The following PPP1R37 variants were observed in gnomAD, a reference collection of about 807,000 sequenced individuals.
PPP1R37 encodes the protein leucine rich repeat containing 68.
A neutral mutation model predicts 61.0 loss-of-function variants in PPP1R37; 21 were observed. The observed-to-expected ratio is 0.34, with a 90% CI of 0.24 to 0.50. The LOEUF (loss-of-function observed/expected upper bound fraction) is 0.50, where lower values mean the gene tolerates loss of function less well. Ranked by LOEUF, PPP1R37 falls within the 20% of genes least tolerant of loss-of-function variation. The probability of loss-of-function intolerance (pLI) is 0.98; values close to 1 mark genes in which losing one functional copy is unlikely to be tolerated. For missense variants in PPP1R37, 910 were observed against 952.7 expected (o/e 0.96, Z 0.59); for synonymous variants, 443 against 433.5 (o/e 1.02, Z -0.27).
chr19:45,139,032 G>A (rs967322818), intron 2 of PPP1R37, among the ~76,000 whole-genome samples: 3 of 145,620 alleles, frequency 2.1e-5, no homozygotes, highest in African/African-American at 7.7e-5. Flanking sequence ...TCCTGCCTCA[G>A]CCTCCCAAGT....
chr19:45,118,586 G>A (rs1283656822), intron 1 of PPP1R37, among the ~76,000 whole-genome samples: 28 of 152,178 alleles, frequency 1.8e-4, no homozygotes, highest in Admixed American at 6.5e-5. Context: ...AGATAACTGC[G>A]TAGTAAATGA....
At chr19:45,103,354 C>T (rs116501086) in intron 1 of PPP1R37, among the ~76,000 whole-genome samples, 1 of 152,192 alleles carries the variant, frequency 6.6e-6, no homozygotes, top group African/African-American at 2.4e-5. Context: ...GCCCTGCAGT[C>T]GGATGCTCCC....
chr19:45,117,456 A>T (rs970217563), intron 1 of PPP1R37, among the ~76,000 whole-genome samples: 2 of 152,206 alleles, frequency 1.3e-5, no homozygotes, highest in Admixed American at 6.5e-5. Context: ...GTGCAGGGAC[A>T]GGTGGTGCCG....
At chr19:45,106,333 C>A (rs1439603015) in intron 1 of PPP1R37, among the ~76,000 whole-genome samples, 1 of 152,104 alleles carries the variant, frequency 6.6e-6, no homozygotes, top group Non-Finnish European at 1.5e-5. Context: ...CCTTTGCCTC[C>A]CAAGTTTAAG....
At chr19:45,138,777 AT>A (rs1968570154) in intron 2 of PPP1R37, among the ~76,000 whole-genome samples, 166 bp downstream of exon 2, 1 of 152,170 alleles carries the variant, frequency 6.6e-6, no homozygotes, top group Non-Finnish European at 1.5e-5. Context: ...TTCTTCATAA[AT>A]TTGAAGAGCA....
intron 1 of PPP1R37, among the ~76,000 whole-genome samples, chr19:45,110,466 C>G (rs1968186538): frequency 6.6e-6 from 1 of 152,062 alleles, no homozygotes; most frequent in South Asian, 2.1e-4. Flanking sequence ...ATGTTCTTTT[C>G]TCTTATGGGT....
At chr19:45,124,924 T>G (rs2048354974) in intron 1 of PPP1R37, among the ~76,000 whole-genome samples, 1 of 151,866 alleles carries the variant, frequency 6.6e-6, no homozygotes, top group South Asian at 2.1e-4. Context: ...TGAGCTATGA[T>G]TGAGCCGCTG....
Position 45,145,854 on chromosome 19 carries a change from G to T in PPP1R37, c.1798G>T (p.Ala600Ser), listed in dbSNP as rs756568951. 7.7e-4 allele frequency: 410 copies of T among 534,964 alleles called. 1 individual carries two copies. The highest frequency in any genetic ancestry group is 1.4e-3 in the Middle Eastern group (2 of 1,404). The allele number at this position is 534,964 out of a possible 1,614,324, so 33.1% of individuals were successfully genotyped here. The change falls in exon 11 of 13, where the codon GCC becomes TCC. Residue 600 changes from alanine to serine, a missense_variant. Around this residue, in one of 3 missense-constraint regions of PPP1R37, gnomAD observed 549 missense variants for 505.1 expected, o/e 1.09. Transcript: ENST00000221462. ...TCCCCCACCCCCTCCCTCCCCACCC[G>T]CCTCACCTTCCCTACCACCAGCCGG... ...PSPPPPPSPP[A>S]SPSLPPAGAI...
intron 5 of PPP1R37, among the ~76,000 whole-genome samples, chr19:45,141,764 A>AGGGAC (rs1181403326): frequency 6.6e-6 from 1 of 152,162 alleles, no homozygotes; most frequent in Non-Finnish European, 1.5e-5. Flanking sequence ...GGCTGGGTGG[A>AGGGAC]GGGACGGGAC....
chr19:45,121,475 C>T lies in PPP1R37; in HGVS notation c.203-17039C>T, dbSNP rs937998187. 1.3e-5 allele frequency among the ~76,000 whole-genome samples: 2 copies of T among 152,194 alleles called. No individual in the cohort carries two copies. The highest frequency in any genetic ancestry group is 2.9e-5 in the Non-Finnish European group (2 of 68,022). On this transcript the variant is annotated intron_variant, in intron 1 of 12. Coordinates refer to ENST00000221462, the MANE Select transcript of PPP1R37 (RefSeq NM_019121.2). This position sits in a 1 kb window ranked among gnomAD's most constrained non-coding sequence, Gnocchi z 4.2. ...GAGGACAGCTGGGCCCTCGCATGGG[C>T]GGGATTGAGGCCACTGGATTCCCTA...
intron 1 of PPP1R37, among the ~76,000 whole-genome samples, chr19:45,104,973 A>C (rs894832087): frequency 2.0e-5 from 3 of 152,148 alleles, no homozygotes; most frequent in Non-Finnish European, 2.9e-5. Flanking sequence ...GTGGCCAGCG[A>C]TCTGCTTATC....
At position 45,130,233 on chromosome 19, in the gene PPP1R37, G is replaced by A. The variant is rs950166872; in HGVS notation, c.203-8281G>A. On this transcript the variant is annotated intron_variant, in intron 1 of 12. Coordinates refer to ENST00000221462, the MANE Select transcript of PPP1R37 (RefSeq NM_019121.2). The surrounding 1 kb of genome is among the most constrained non-coding windows in gnomAD (Gnocchi z 4.4). ...GCCATTCCTGACTGCCAACCTGCAC[G>A]ATCAGGTCCCCTCCCCGTGAGTACT... Among the ~76,000 whole-genome samples the A allele has an allele frequency of 3.3e-5, 5 of 152,112 alleles. No homozygotes were observed. The highest frequency in any genetic ancestry group is 1.2e-4 in the African/African-American group (5 of 41,410).
intron 1 of PPP1R37, among the ~76,000 whole-genome samples, chr19:45,138,096 C>G (rs1432184779): frequency 6.6e-6 from 1 of 152,146 alleles, no homozygotes; most frequent in Non-Finnish European, 1.5e-5. Flanking sequence ...TTACTTCAGC[C>G]TGAGCAACAG....
In PPP1R37 at chr19:45,121,979, G is replaced by A. The variant is rs1182593720; in HGVS notation, c.203-16535G>A. 6.6e-6 allele frequency among the ~76,000 whole-genome samples: 1 copy of A among 152,120 alleles called. No homozygotes were observed. Among genetic ancestry groups the A allele is most frequent in the Non-Finnish European group, 1.5e-5 (1 of 68,018 alleles). On this transcript the variant is annotated intron_variant, in intron 1 of 12. Coordinates refer to ENST00000221462, the MANE Select transcript of PPP1R37 (RefSeq NM_019121.2). This position sits in a 1 kb window ranked among gnomAD's most constrained non-coding sequence, Gnocchi z 4.2. ...AGACGTGTGGTTTTGCAGGGATAGA[G>A]ACGTGCAGCAGCACATCCGCAGAGG...
Position 45,142,408 on chromosome 19 carries a change from A to C in PPP1R37, c.824A>C (p.Asn275Thr). The C allele has an allele frequency of 3.9e-6, 6 of 1,536,068 alleles. No individual in the cohort carries two copies. The highest frequency in any genetic ancestry group is 5.2e-6 in the Non-Finnish European group (6 of 1,146,908). Residue 275 changes from asparagine to threonine, a missense_variant, in exon 7 of 13, where the codon AAC (asparagine) becomes ACC (threonine). Physicochemically the swap from Asn to Thr is moderately conservative, Grantham distance 65. Transcript: ENST00000221462. ...SAQLGNLLKF[N>T]CSLQILDLRN... ...CAGCTGGGTAACCTGCTCAAGTTCA[A>C]CTGCTCCCTGCAGATCCTGGACCTC...
intron 1 of PPP1R37, among the ~76,000 whole-genome samples, chr19:45,114,167 G>A (rs998874108): frequency 5.9e-5 from 9 of 152,254 alleles, no homozygotes; most frequent in Non-Finnish European, 1.3e-4. Context: ...ATGAAGGGTC[G>A]AGAGCCATTG....
At position 45,144,836 on chromosome 19, in the gene PPP1R37, C is replaced by T; in HGVS notation, c.988-18C>T. 1 of 1,521,108 alleles carries T rather than the reference C, an allele frequency of 6.6e-7. No homozygotes were observed. The highest frequency in any genetic ancestry group is 8.8e-7 in the Non-Finnish European group (1 of 1,137,328). 94.2% of individuals were successfully genotyped at this position (1,521,108 alleles called of 1,614,324 possible). ...GCCATCACGGCCTCCTCCTCACCCTCACACCCCCTCCCTCCAGCCGCACAC... is the reference window on the plus strand; with the variant it reads ...GCCATCACGGCCTCCTCCTCACCCTTACACCCCCTCCCTCCAGCCGCACAC... On this transcript the variant is annotated intron_variant, in intron 8 of 12. Coordinates refer to ENST00000221462, the MANE Select transcript of PPP1R37 (RefSeq NM_019121.2).
intron 1 of PPP1R37, among the ~76,000 whole-genome samples, chr19:45,120,544 G>A (rs1355086511): frequency 6.6e-6 from 1 of 152,182 alleles, no homozygotes; most frequent in Admixed American, 6.5e-5. Context: ...TGCAGTGACT[G>A]TCCTTACATG....
intron 1 of PPP1R37, among the ~76,000 whole-genome samples, chr19:45,114,919 A>C (rs1968245667): frequency 6.6e-6 from 1 of 152,178 alleles, no homozygotes; most frequent in Non-Finnish European, 1.5e-5. Flanking sequence ...GCCATAAAGG[A>C]ACCCCCTAAC....
Sources: gnomAD v4.1 joint callset for allele counts (sites outside exome capture counted in the v4.1 genomes callset) on GRCh38, gnomAD v4.1.1 for gene constraint, gnomAD v4.1.1 regional missense constraint, Gnocchi (gnomAD v3.1) non-coding constraint, MANE v1.5 for transcripts, NCBI Gene and HGNC (gene_info 2026-07-23, HGNC 2026-07-21) for gene names.